FMO1: variants seen among roughly 807,000 people sequenced by gnomAD.
FMO1 encodes the protein flavin-containing monooxygenase 1.
FMO1 carries 36 observed loss-of-function variants against 45.4 expected under a neutral mutation model. The observed-to-expected ratio is 0.79, with a 90% confidence interval of 0.61 to 1.05. FMO1 has a LOEUF of 1.05. Among genes scored for constraint, FMO1 ranks in the 50% least tolerant of loss-of-function variants. The pLI, the probability that FMO1 is intolerant of heterozygous loss-of-function variation, is 0.00. For synonymous variants in FMO1, 228 were observed against 227.2 expected (o/e 1.00, Z -0.03); for missense variants, 615 against 640.3 (o/e 0.96, Z 0.43).
chr1:171,285,533 A>T lies in FMO1; in HGVS notation c.1588A>T (p.Ile530Phe). The T allele has an allele frequency of 1.3e-6, 2 of 1,504,228 alleles. No homozygotes were observed. The highest frequency in any genetic ancestry group is 1.8e-6 in the Non-Finnish European group (2 of 1,125,956). 93.2% of individuals were successfully genotyped at this position (1,504,228 alleles called of 1,614,324 possible). ...FLALLVAIFL[I>F]FL ...GGCTTTGCTTGTGGCTATTTTTCTG[A>T]TTTTCCTATAAGTAAAAGATCTCCT... The change falls in exon 9 of 9, where the codon ATT (isoleucine) becomes TTT (phenylalanine). Residue 530 changes from isoleucine to phenylalanine, a missense_variant. Ile to Phe is a conservative substitution (Grantham distance 21). Coordinates refer to ENST00000617670, the MANE Select transcript of FMO1 (RefSeq NM_001282693.2).
chr1:171,261,580 A>T (rs893443874), intron 2 of FMO1, among the ~76,000 whole-genome samples: 6 of 152,092 alleles, frequency 3.9e-5, no homozygotes, highest in Non-Finnish European at 8.8e-5. Context: ...GAGAATATAG[A>T]CATCATAAAT....
chr1:171,249,623 G>A (rs1269169168), intron 1 of FMO1, among the ~76,000 whole-genome samples: 1 of 151,992 alleles, frequency 6.6e-6, no homozygotes. Context: ...TTGAGGATAG[G>A]GTATCATTGT....
At position 171,275,611 on chromosome 1, in the gene FMO1, A is replaced by G; in HGVS notation, c.484+103A>G. The G allele has an allele frequency of 4.8e-6, 4 of 836,120 alleles. No individual in the cohort carries two copies. The Admixed American group carries it at 8.3e-5, about 17-fold the overall frequency. The allele number at this position is 836,120 out of a possible 1,614,324, so 51.8% of individuals were successfully genotyped here. A position where few individuals can be genotyped will look rare whatever the true frequency, so the allele number is the denominator to read the frequency against. Reference sequence around the variant, plus strand: ...CCTATGGCTGTTCCATTAAATAGTTAAAGTTGGGAGGTAGGAGGAGGCTTT... The same window carrying G: ...CCTATGGCTGTTCCATTAAATAGTTGAAGTTGGGAGGTAGGAGGAGGCTTT... On this transcript the variant is annotated intron_variant, in intron 4 of 8. Transcript: ENST00000617670.
Position 171,275,763 on chromosome 1 carries a change from C to T in FMO1, c.484+255C>T, listed in dbSNP as rs28360400. Reference sequence around the variant, plus strand: ...CTTTATAAGTATTTTTATGCTTTACCAAGATTCAATGTCCCTCAAGTGACT... The same window carrying T: ...CTTTATAAGTATTTTTATGCTTTACTAAGATTCAATGTCCCTCAAGTGACT... On this transcript the variant is annotated intron_variant, in intron 4 of 8. Transcript: ENST00000617670. Among the ~76,000 whole-genome samples the T allele has an allele frequency of 9.4e-4, 143 of 151,950 alleles. 2 individuals carry two copies. The highest frequency in any genetic ancestry group is 3.2e-3 in the African/African-American group (134 of 41,414).
chr1:171,283,322 A>C, intron 8 of FMO1, 106 bp downstream of exon 8: 3 of 573,926 alleles, frequency 5.2e-6, no homozygotes, highest in East Asian at 3.4e-5. Context: ...AAAAAAAACA[A>C]TAGCAGAGAG....
At chr1:171,250,874 C>T (rs80197508) in intron 1 of FMO1, among the ~76,000 whole-genome samples, 3,091 of 151,996 alleles carry the variant, frequency 0.02, 49 homozygotes, top group South Asian at 0.039. Context: ...CTTCCAACAA[C>T]GGAATGGCCA....
At chr1:171,258,317 A>T in intron 2 of FMO1, 98 bp downstream of exon 2, 8 of 1,435,556 alleles carry the variant, frequency 5.6e-6, no homozygotes, top group Non-Finnish European at 5.7e-6. Flanking sequence ...GGTGGCCTTG[A>T]GGAAGGTTAG....
intron 5 of FMO1, among the ~76,000 whole-genome samples, chr1:171,279,833 TTC>T (rs1357729537): frequency 6.6e-6 from 1 of 152,170 alleles, no homozygotes; most frequent in Non-Finnish European, 1.5e-5. Context: ...TAATTTTAAC[TTC>T]TGTTTCTTGC....
intron 1 of FMO1, among the ~76,000 whole-genome samples, chr1:171,254,762 C>T (rs571351475): frequency 1.9e-4 from 29 of 152,306 alleles, no homozygotes; most frequent in African/African-American, 6.7e-4. Context: ...CTTCCCTTCT[C>T]TGCCCACTGA....
intron 3 of FMO1, among the ~76,000 whole-genome samples, 185 bp from the exon 4 acceptor site, chr1:171,275,161 G>T (rs572076128): frequency 1.2e-4 from 19 of 152,266 alleles, no homozygotes; most frequent in African/African-American, 4.6e-4. Flanking sequence ...ATCTCTCCAA[G>T]CTTAGACTAC....
At chr1:171,269,068 T>C (rs973778484) in intron 3 of FMO1, among the ~76,000 whole-genome samples, 1 of 152,198 alleles carries the variant, frequency 6.6e-6, no homozygotes, top group Non-Finnish European at 1.5e-5. Context: ...TTGTGAGGCT[T>C]CCCCAGCCAC....
At chr1:171,254,608 A>T (rs12567338) in intron 1 of FMO1, among the ~76,000 whole-genome samples, 41,817 of 152,022 alleles carry the variant, frequency 0.28, 6,100 homozygotes, top group East Asian at 0.53. Context: ...TCAGTTCATC[A>T]ACAATGTCTT....
At chr1:171,277,967 T>C (rs1396388014) in intron 4 of FMO1, among the ~76,000 whole-genome samples, 1 of 152,234 alleles carries the variant, frequency 6.6e-6, no homozygotes, top group Non-Finnish European at 1.5e-5. Context: ...TGTAATGTTG[T>C]CTTAAGAGTA....
chr1:171,283,040 G>GTACT (rs1661430222), intron 7 of FMO1, 104 bp from the exon 8 acceptor site: 1 of 710,200 alleles, frequency 1.4e-6, no homozygotes, highest in Non-Finnish European at 2.5e-6. Context: ...TGAGTAGCTG[G>GTACT]TACTAGACGT....
chr1:171,253,216 C>T (rs1288918132), intron 1 of FMO1, among the ~76,000 whole-genome samples: 1 of 152,206 alleles, frequency 6.6e-6, no homozygotes, highest in Non-Finnish European at 1.5e-5. Flanking sequence ...TCATTTCCTT[C>T]ACTTTCTAAA....
chr1:171,256,718 G>A (rs1435576827), intron 1 of FMO1, among the ~76,000 whole-genome samples: 1 of 151,938 alleles, frequency 6.6e-6, no homozygotes. Flanking sequence ...GAATATTTTA[G>A]TCTCTACAGT....
rs144176824 is a variant in FMO1 at position 171,280,848 on chromosome 1, A to G, written c.690A>G (p.Pro230=). The G allele has an allele frequency of 2.0e-5, 33 of 1,613,898 alleles. No individual in the cohort carries two copies. In the African/African-American group the frequency reaches 3.6e-4, roughly 18 times the overall value. The part of the protein sequence containing the change: ...VISRIFDSGY[P]WDMVFMTRFQ... The stretch of plus-strand genomic sequence containing the variant: ...GCCGAATCTTTGACTCGGGCTACCC[A>G]TGGGACATGGTGTTCATGACACGCT... Residue 230 remains proline, a synonymous_variant, in exon 6 of 9, where the codon CCA becomes CCG. Transcript: ENST00000617670.
At chr1:171,254,452 A>G (rs1660058079) in intron 1 of FMO1, among the ~76,000 whole-genome samples, 1 of 152,196 alleles carries the variant, frequency 6.6e-6, no homozygotes, top group Admixed American at 6.5e-5. Flanking sequence ...CCATCACAAA[A>G]TCAACCCATT....
At chr1:171,277,723 A>G (rs192080447) in intron 4 of FMO1, among the ~76,000 whole-genome samples, 3 of 152,322 alleles carry the variant, frequency 2.0e-5, no homozygotes, top group Non-Finnish European at 4.4e-5. Flanking sequence ...TGTGCTGAGT[A>G]AATATTGGAA....
Sources: allele counts gnomAD v4.1 joint callset (sites outside exome capture counted in the v4.1 genomes callset), GRCh38; gene constraint gnomAD v4.1.1; transcripts MANE v1.5; gene names NCBI Gene and HGNC (gene_info 2026-07-23, HGNC 2026-07-21).